WBP2NL: variants seen among roughly 807,000 people sequenced by gnomAD.
WBP2NL encodes WBP2 N-terminal like, also known as postacrosomal sheath WW domain-binding protein.
Under a neutral mutation model 23.3 loss-of-function variants are expected in WBP2NL, and 27 were observed. The observed-to-expected ratio is 1.16, with a 90% confidence interval of 0.85 to 1.60. WBP2NL has a LOEUF of 1.60. Among genes scored for constraint, WBP2NL ranks in the 40% most tolerant of loss-of-function variants. WBP2NL has a pLI of 0.00. For missense variants in WBP2NL, 370 were observed against 389.5 expected, an observed-to-expected ratio of 0.95 and a Z score of 0.42; for synonymous variants, 151 against 145.9, an observed-to-expected ratio of 1.03 and a Z score of -0.25.
At chr22:42,021,642 A>G (rs1480699922) in intron 4 of WBP2NL, among the ~76,000 whole-genome samples, 11 of 152,202 alleles carry the variant, frequency 7.2e-5, no homozygotes, top group Non-Finnish European at 1.2e-4. Flanking sequence ...CCAACTTGGT[A>G]GAATCCTCAC....
Position 42,057,855 on chromosome 22 carries a change from A to G in WBP2NL, c.*274-435A>G, listed in dbSNP as rs7290492. Among the ~76,000 whole-genome samples the G allele has an allele frequency of 1.2e-3, 135 of 113,090 alleles. 2 individuals are homozygous for G. In the South Asian group the frequency reaches 0.039, roughly 33 times the overall value. 74.2% of individuals were successfully genotyped at this position (113,090 alleles called of 152,430 possible). On this transcript the variant is annotated intron_variant and NMD_transcript_variant, in intron 8 of 8. Coordinates refer to the WBP2NL transcript ENST00000436265. ...TATATATATATATATATACACATAT[A>G]TGTGTGTGTGTATGTATATATATAT... is the stretch of plus-strand genomic sequence containing the variant.
downstream of WBP2NL, among the ~76,000 whole-genome samples, chr22:42,036,123 T>C (rs1925171627): frequency 2.6e-5 from 4 of 152,198 alleles, 1 homozygote; most frequent in South Asian, 8.3e-4. Context: ...CAGTGAACAA[T>C]GGGAGTACAG....
At chr22:42,035,557 A>C (rs1180325498), downstream of WBP2NL, among the ~76,000 whole-genome samples, 1 of 152,250 alleles carries the variant, frequency 6.6e-6, no homozygotes, top group Non-Finnish European at 1.5e-5. Flanking sequence ...GCGTGATGGC[A>C]GCAGCTGCTC....
chr22:42,011,470 C>G (rs534249900), intron 1 of WBP2NL, among the ~76,000 whole-genome samples: 13 of 151,988 alleles, frequency 8.6e-5, no homozygotes, highest in African/African-American at 3.1e-4. Flanking sequence ...CTAGGCTGGT[C>G]GGAAACTCCT....
intron 1 of WBP2NL, among the ~76,000 whole-genome samples, chr22:42,015,836 C>G (rs1346743575): frequency 6.6e-6 from 1 of 152,122 alleles, no homozygotes; most frequent in East Asian, 1.9e-4. Context: ...TTTCTTGTTT[C>G]TCAGGAATAT....
intron 1 of WBP2NL, among the ~76,000 whole-genome samples, chr22:42,011,831 C>T (rs771914189): frequency 5.3e-5 from 8 of 151,558 alleles, no homozygotes; most frequent in African/African-American, 1.5e-4. Context: ...GGAGTGCAGT[C>T]GTGCAATATT....
At chr22:42,036,033 A>G (rs917354588), downstream of WBP2NL, among the ~76,000 whole-genome samples, 1 of 152,202 alleles carries the variant, frequency 6.6e-6, no homozygotes, top group Non-Finnish European at 1.5e-5. Context: ...GTATGTGTGT[A>G]TAATCACATT....
chr22:42,019,391 C>T lies in WBP2NL; in HGVS notation c.143C>T (p.Thr48Ile), dbSNP rs768438176. The T allele has an allele frequency of 6.2e-7, 1 of 1,614,036 alleles. No homozygotes were observed. The highest frequency in any genetic ancestry group is 8.5e-7 in the Non-Finnish European group (1 of 1,180,012). ...TCAAATGTCTTTAGTGGTAGAAAGA[C>T]AGGAACATTGTTTCTCACTTCATAC... The part of the protein sequence containing the change: ...EGSNVFSGRK[T>I]GTLFLTSYRV... The change falls in exon 2 of 6, where the codon ACA becomes ATA. Residue 48 changes from threonine to isoleucine, a missense_variant. Physicochemically the swap from Thr to Ile is moderately conservative, Grantham distance 89. Coordinates refer to ENST00000328823, the MANE Select transcript of WBP2NL (RefSeq NM_152613.3).
intron 8 of WBP2NL, among the ~76,000 whole-genome samples, chr22:42,054,490 C>G (rs1747761186): frequency 6.6e-6 from 1 of 152,088 alleles, no homozygotes; most frequent in Admixed American, 6.5e-5. Context: ...CGTACCCAGC[C>G]TGTTTCTGAT....
intron 8 of WBP2NL, among the ~76,000 whole-genome samples, chr22:42,055,575 T>C (rs1230453653): frequency 1.3e-5 from 2 of 152,232 alleles, no homozygotes; most frequent in Non-Finnish European, 2.9e-5. Context: ...TATATTCTGC[T>C]GCTATTGGGT....
intron 8 of WBP2NL, among the ~76,000 whole-genome samples, chr22:42,047,724 C>T (rs965353848): frequency 1.2e-4 from 18 of 150,948 alleles, no homozygotes; most frequent in Non-Finnish European, 1.2e-4. Flanking sequence ...CGGGTTCACG[C>T]CATTCTCCTG....
Position 42,027,316 on chromosome 22 carries a change from T to A in WBP2NL, c.*135T>A. ...GTTGTTCCACCCTTTGGAAGGGCAA[T>A]CTTATGGGGGAAGGTGAAACTTTAC... On this transcript the variant is annotated 3_prime_UTR_variant, in exon 6 of 6. Coordinates refer to ENST00000328823, the MANE Select transcript of WBP2NL (RefSeq NM_152613.3). 1 of 1,127,194 alleles carries A rather than the reference T, an allele frequency of 8.9e-7. No homozygotes were observed. Among genetic ancestry groups the A allele is most frequent in the Non-Finnish European group, 1.2e-6 (1 of 826,362 alleles). 69.8% of individuals were successfully genotyped at this position (1,127,194 alleles called of 1,614,324 possible).
At chr22:42,000,746 T>TCTAC (rs1444396255) in intron 1 of WBP2NL, among the ~76,000 whole-genome samples, 3 of 149,986 alleles carry the variant, frequency 2.0e-5, no homozygotes, top group African/African-American at 7.4e-5. Context: ...GGCCAATATG[T>TCTAC]TGAAACCCCA....
At chr22:42,002,181 T>G (rs1001406461) in intron 1 of WBP2NL, among the ~76,000 whole-genome samples, 1 of 152,224 alleles carries the variant, frequency 6.6e-6, no homozygotes, top group Non-Finnish European at 1.5e-5. Flanking sequence ...TGTGGTCCTT[T>G]GAATTACCTT....
intron 5 of WBP2NL, 36 bp from the exon 6 acceptor site, chr22:42,026,730 G>A (rs747642581): frequency 6.3e-7 from 1 of 1,598,228 alleles, no homozygotes; most frequent in South Asian, 1.1e-5. Context: ...TGACTTAAAG[G>A]TAACTGAATT....
downstream of WBP2NL, among the ~76,000 whole-genome samples, chr22:42,037,849 GA>G (rs1925246980): frequency 1.1e-5 from 1 of 89,636 alleles, no homozygotes; most frequent in Non-Finnish European, 2.1e-5. Flanking sequence ...GAGAGAGTGA[GA>G]GTGTGTGTGT....
intron 5 of WBP2NL, among the ~76,000 whole-genome samples, chr22:42,023,517 T>C (rs1924167570): frequency 6.6e-6 from 1 of 151,664 alleles, no homozygotes; most frequent in South Asian, 2.1e-4. Context: ...GTTTTTGTTT[T>C]TTTGAGAGGG....
intron 4 of WBP2NL, 125 bp downstream of exon 4, chr22:42,020,221 T>A: frequency 1.0e-6 from 1 of 963,114 alleles, no homozygotes; most frequent in South Asian, 1.7e-5. Context: ...TTTGTATTTT[T>A]GTAAGTCGGG....
chr22:42,036,335 C>T (rs917101311), downstream of WBP2NL, among the ~76,000 whole-genome samples: 3 of 152,128 alleles, frequency 2.0e-5, no homozygotes, highest in Non-Finnish European at 2.9e-5. Flanking sequence ...CCACCATGCC[C>T]GGCTAATTTT....
Sources: gnomAD v4.1 joint callset for allele counts (sites outside exome capture counted in the v4.1 genomes callset) on GRCh38, gnomAD v4.1.1 for gene constraint, MANE v1.5 for transcripts, NCBI Gene and HGNC (gene_info 2026-07-23, HGNC 2026-07-21) for gene names.